RTCB: variants seen among roughly 807,000 people sequenced by gnomAD.
The protein encoded by RTCB is RNA-splicing ligase RTCB.
In RTCB, 32 loss-of-function variants were observed where a neutral mutation model predicts 58.2. The observed-to-expected ratio is 0.55, with a 90% CI of 0.41 to 0.74. The LOEUF (loss-of-function observed/expected upper bound fraction) is 0.74. Among genes scored for constraint, RTCB ranks in the 30% least tolerant of loss-of-function variants. The pLI, the probability that RTCB is intolerant of heterozygous loss-of-function variation, is 0.00. For missense variants in RTCB, 523 were observed against 639.0 expected (o/e 0.82, Z 1.96); for synonymous variants, 247 against 218.6 (o/e 1.13, Z -1.15).
intron 10 of RTCB, chr22:32,392,610 C>CTGT: frequency 1.7e-6 from 1 of 588,472 alleles, no homozygotes; most frequent in Non-Finnish European, 3.1e-6. Context: ...CCTCTAAGAC[C>CTGT]CACTAAATGC....
chr22:32,408,153 A>G, intron 3 of RTCB, 22 bp downstream of exon 3: 4 of 1,605,166 alleles, frequency 2.5e-6, no homozygotes, highest in Non-Finnish European at 3.4e-6. Context: ...ATAAATGATT[A>G]AAGTTCTGAA....
rs763820599 is a variant in RTCB at position 32,395,125 on chromosome 22, C to G, written c.1080G>C (p.Gln360His). The change falls in exon 9 of 12, where the codon CAG becomes CAC. Residue 360 changes from glutamine (Q) to histidine (H), a missense_variant. By Grantham distance (24) the Gln-to-His change is conservative (BLOSUM62 0). Coordinates refer to ENST00000216038, the MANE Select transcript of RTCB (RefSeq NM_014306.5). ...TCCGTTCCTTTCCGTCCACCACATG[C>G]TGCTCCACTTTGGCAATGTTGTGAG... is the stretch of plus-strand genomic sequence containing the variant. Reference protein sequence around the residue: ...DVSHNIAKVEQHVVDGKERTL... With the variant: ...DVSHNIAKVEHHVVDGKERTL... The G allele has an allele frequency of 6.2e-7, 1 of 1,614,198 alleles. No individual in the cohort carries two copies. Among genetic ancestry groups the G allele is most frequent in the Non-Finnish European group, 8.5e-7 (1 of 1,180,038 alleles).
rs1726485898 is a variant in RTCB, at chr22:32,412,058, C to T, written c.93+6G>A. 3 of 1,602,694 alleles carry T rather than the reference C, an allele frequency of 1.9e-6. No individual in the cohort carries two copies. The South Asian group carries it at 3.3e-5, about 18-fold the overall frequency. Reference sequence around the variant, plus strand: ...GAAGGCCCCGCCATTTGCTCTCCTGCCTTACCTGCATGTTGGGCACGAAGC... The same window carrying T: ...GAAGGCCCCGCCATTTGCTCTCCTGTCTTACCTGCATGTTGGGCACGAAGC... On this transcript the variant is annotated splice_donor_region_variant and intron_variant, in intron 1 of 11. Coordinates refer to ENST00000216038, the MANE Select transcript of RTCB (RefSeq NM_014306.5).
At chr22:32,410,192 T>C (rs1933496591) in intron 1 of RTCB, among the ~76,000 whole-genome samples, 1 of 152,108 alleles carries the variant, frequency 6.6e-6, no homozygotes, top group Non-Finnish European at 1.5e-5. Flanking sequence ...CACAGTGCTA[T>C]GGAAGAATCT....
At chr22:32,397,472 A>G (rs192050480) in intron 7 of RTCB, among the ~76,000 whole-genome samples, 139 of 152,370 alleles carry the variant, frequency 9.1e-4, no homozygotes, top group African/African-American at 3.2e-3. Flanking sequence ...TTAAATGGAC[A>G]TGACCTTTAC....
chr22:32,393,922 AG>A lies in RTCB; in HGVS notation c.1259del (p.Thr420MetfsTer24). On this transcript the variant is annotated frameshift_variant, in exon 10 of 12. Transcript: ENST00000216038. LOFTEE classifies it high-confidence loss of function. ...CATGACAGGTTGTTCCAAAGGTCTC[AG>A]TCATGCCCTGTTCAGTGCCAGTAAG... The part of the protein sequence containing the change: ...YVLTGTEQGM[T>X]ETFGTTCHGA... 1.2e-6 allele frequency: 2 copies of A among 1,613,864 alleles called. No individual in the cohort carries two copies. Among genetic ancestry groups the A allele is most frequent in the Non-Finnish European group, 1.7e-6 (2 of 1,179,724 alleles).
At chr22:32,408,129 G>A (rs776050458) in intron 3 of RTCB, 46 bp downstream of exon 3, 2 of 1,537,350 alleles carry the variant, frequency 1.3e-6, no homozygotes, top group East Asian at 2.2e-5. Context: ...TCCATTCAAT[G>A]GACTTTAAGA....
At chr22:32,410,722 C>CTTT (rs5844994) in intron 1 of RTCB, among the ~76,000 whole-genome samples, 14,093 of 140,238 alleles carry the variant, frequency 0.1, 1,113 homozygotes, top group East Asian at 0.44. Context: ...TTTTTCTTTT[C>CTTT]TTTTTTTTTT....
At chr22:32,401,267 T>A (rs997647792) in intron 5 of RTCB, among the ~76,000 whole-genome samples, 10 of 151,834 alleles carry the variant, frequency 6.6e-5, no homozygotes, top group African/African-American at 2.4e-4. Flanking sequence ...AGTTAATTTT[T>A]TTTTTTTAGA....
chr22:32,393,516 G>C (rs1233244972), intron 10 of RTCB, among the ~76,000 whole-genome samples: 1 of 152,172 alleles, frequency 6.6e-6, no homozygotes, highest in African/African-American at 2.4e-5. Context: ...ACAATAGGAA[G>C]GGGCAAATTA....
chr22:32,399,827 T>C, intron 5 of RTCB, 68 bp from the exon 6 acceptor site: 6 of 1,418,832 alleles, frequency 4.2e-6, no homozygotes, highest in Non-Finnish European at 5.7e-6. Context: ...GATGACCACA[T>C]CCTTAAAGGG....
At chr22:32,411,919 G>A (rs1601434022) in intron 1 of RTCB, 145 bp downstream of exon 1, 3 of 623,078 alleles carry the variant, frequency 4.8e-6, no homozygotes, top group East Asian at 5.9e-5. Flanking sequence ...CCCCAGAACC[G>A]TGAGGGGAGA....
rs1333577497 is a variant in RTCB, at chr22:32,401,920, A to C, written c.341-17T>G. On this transcript the variant is annotated splice_polypyrimidine_tract_variant and intron_variant, in intron 4 of 11. Coordinates refer to ENST00000216038, the MANE Select transcript of RTCB (RefSeq NM_014306.5). ...CGACACCACCTACAAAATAGAGAAA[A>C]GTTAGCAAAACCAGCTGGTAAGGCA... is the stretch of plus-strand genomic sequence containing the variant. 1.2e-6 allele frequency: 2 copies of C among 1,611,760 alleles called. No homozygotes were observed. Among genetic ancestry groups the C allele is most frequent in the Admixed American group, 1.7e-5 (1 of 59,916 alleles).
chr22:32,390,332 G>A (rs1601423101), intron 11 of RTCB, among the ~76,000 whole-genome samples: 1 of 152,162 alleles, frequency 6.6e-6, no homozygotes, highest in South Asian at 2.1e-4. Flanking sequence ...AAATAATCAC[G>A]TGTTGCAGGT....
chr22:32,391,580 G>GGGGTTTCACCATGTTGATCAGGC (rs1933155489), intron 11 of RTCB, among the ~76,000 whole-genome samples: 1 of 151,774 alleles, frequency 6.6e-6, no homozygotes, highest in Non-Finnish European at 1.5e-5. Flanking sequence ...ATTTTTAGTA[G>GGGGTTTCACCATGTTGATCAGGC]GGGTTTCACC....
In RTCB at chr22:32,396,065, C is replaced by T. The variant is rs1294029241; in HGVS notation, c.990+9G>A. The T allele has an allele frequency of 1.2e-6, 2 of 1,613,386 alleles. No homozygotes were observed. Among genetic ancestry groups the T allele is most frequent in the African/African-American group, 2.7e-5 (2 of 74,892 alleles). ...ATGACTCGGAACAGAAGAGCAACTT[C>T]TACTGTACCTGACGGGTTAAGAAGG... On this transcript the variant is annotated intron_variant, in intron 8 of 11. Coordinates refer to ENST00000216038, the MANE Select transcript of RTCB (RefSeq NM_014306.5).
intron 1 of RTCB, among the ~76,000 whole-genome samples, chr22:32,409,741 T>C (rs1402521165): frequency 1.3e-5 from 2 of 152,124 alleles, no homozygotes; most frequent in Non-Finnish European, 2.9e-5. Flanking sequence ...AGCACTGTCC[T>C]GGGCACTAGG....
intron 4 of RTCB, among the ~76,000 whole-genome samples, chr22:32,405,212 T>A (rs1049917069): frequency 6.6e-6 from 1 of 152,190 alleles, no homozygotes; most frequent in Non-Finnish European, 1.5e-5. Flanking sequence ...GGATGAGACA[T>A]GTACTTATAT....
At chr22:32,408,571 T>A (rs550141515) in intron 2 of RTCB, among the ~76,000 whole-genome samples, 184 bp downstream of exon 2, 1 of 152,340 alleles carries the variant, frequency 6.6e-6, no homozygotes, top group Non-Finnish European at 1.5e-5. Flanking sequence ...GAGCTTCAAA[T>A]CCGTTCTATA....
Sources: gnomAD v4.1 joint callset for allele counts (sites outside exome capture counted in the v4.1 genomes callset) on GRCh38, gnomAD v4.1.1 for gene constraint, MANE v1.5 for transcripts, NCBI Gene and HGNC (gene_info 2026-07-23, HGNC 2026-07-21) for gene names.